The following CCDC192 variants were observed in gnomAD, a reference collection of about 807,000 sequenced individuals.
CCDC192 encodes the protein coiled-coil domain-containing protein 192.
At chr5:127,721,063 C>A (rs1224306721) in intron 2 of CCDC192, among the ~76,000 whole-genome samples, 2 of 152,216 alleles carry the variant, frequency 1.3e-5, no homozygotes, top group African/African-American at 2.4e-5. Flanking sequence ...ACATTTGGCT[C>A]CTCTTTACAT....
At chr5:127,817,304 A>G (rs1249790820) in intron 5 of CCDC192, among the ~76,000 whole-genome samples, 2 of 152,208 alleles carry the variant, frequency 1.3e-5, no homozygotes, top group African/African-American at 4.8e-5. Flanking sequence ...TATATACTGC[A>G]GAGAATGGAA....
At chr5:127,730,690 C>A (rs2126815340) in intron 2 of CCDC192, among the ~76,000 whole-genome samples, 1 of 152,204 alleles carries the variant, frequency 6.6e-6, no homozygotes, top group South Asian at 2.1e-4. Flanking sequence ...CAGCTTCATC[C>A]CCAGGATGAA....
intron 6 of CCDC192, among the ~76,000 whole-genome samples, chr5:127,908,859 A>C (rs1561547732): frequency 1.3e-5 from 2 of 152,210 alleles, no homozygotes; most frequent in African/African-American, 2.4e-5. Flanking sequence ...TGGTTGTGAA[A>C]ATCAGGTTTT....
intron 3 of CCDC192, among the ~76,000 whole-genome samples, chr5:127,773,980 C>A (rs1370411892): frequency 6.6e-6 from 1 of 152,072 alleles, no homozygotes; most frequent in African/African-American, 2.4e-5. Context: ...TAGAATCTCG[C>A]TGTGGTTTTG....
intron 5 of CCDC192, among the ~76,000 whole-genome samples, chr5:127,841,934 G>A (rs1750308358): frequency 1.3e-5 from 2 of 152,226 alleles, no homozygotes; most frequent in Admixed American, 1.3e-4. Flanking sequence ...GTGCAATGAT[G>A]AATGTTGACT....
chr5:127,887,982 C>T (rs147150464), intron 6 of CCDC192, among the ~76,000 whole-genome samples: 9 of 152,046 alleles, frequency 5.9e-5, no homozygotes, highest in East Asian at 3.9e-4. Context: ...GGATTACAGG[C>T]ACGAGCCAGC....
At chr5:127,903,209 G>C (rs1455306324) in intron 6 of CCDC192, among the ~76,000 whole-genome samples, 1 of 151,432 alleles carries the variant, frequency 6.6e-6, no homozygotes, top group Non-Finnish European at 1.5e-5. Context: ...GAACAATCCT[G>C]CCTAAGTTCT....
At chr5:127,837,582 A>C (rs1750080421) in intron 5 of CCDC192, among the ~76,000 whole-genome samples, 2 of 18,110 alleles carry the variant, frequency 1.1e-4, no homozygotes, top group Non-Finnish European at 1.6e-4. Context: ...CCATATCAGA[A>C]TGTAAACACT....
intron 2 of CCDC192, among the ~76,000 whole-genome samples, chr5:127,712,726 A>C: frequency 6.6e-6 from 1 of 152,352 alleles, no homozygotes; most frequent in Non-Finnish European, 1.5e-5. Context: ...ATATTCATGC[A>C]TGAGTCTTTG....
At chr5:127,808,885 G>C (rs1308447504) in intron 5 of CCDC192, among the ~76,000 whole-genome samples, 1 of 152,184 alleles carries the variant, frequency 6.6e-6, no homozygotes, top group Non-Finnish European at 1.5e-5. Context: ...AATGGAGTAA[G>C]TGAGAGAATG....
At chr5:127,731,547 T>G (rs925681143) in intron 2 of CCDC192, among the ~76,000 whole-genome samples, 1 of 152,158 alleles carries the variant, frequency 6.6e-6, no homozygotes, top group Non-Finnish European at 1.5e-5. Flanking sequence ...AAAAAGAGCC[T>G]GTATAGCCAA....
chr5:127,856,194 TC>T (rs1240536980), intron 5 of CCDC192, among the ~76,000 whole-genome samples: 1 of 152,232 alleles, frequency 6.6e-6, no homozygotes, highest in Non-Finnish European at 1.5e-5. Context: ...CTGGATAACT[TC>T]CTACAGCTTC....
chr5:127,886,637 G>C (rs2127150877), intron 6 of CCDC192, among the ~76,000 whole-genome samples: 1 of 152,240 alleles, frequency 6.6e-6, no homozygotes, highest in Middle Eastern at 3.4e-3. Context: ...TACAGTATAT[G>C]ATACATATAA....
intron 3 of CCDC192, among the ~76,000 whole-genome samples, chr5:127,782,222 A>G (rs1756267906): frequency 6.6e-6 from 1 of 152,146 alleles, no homozygotes; most frequent in South Asian, 2.1e-4. Context: ...GTTAACTAGT[A>G]TTTTGTTAAG....
intron 6 of CCDC192, among the ~76,000 whole-genome samples, chr5:127,882,766 G>A (rs183250964): frequency 1.3e-4 from 20 of 152,290 alleles, no homozygotes; most frequent in African/African-American, 4.6e-4. Context: ...CATTTAGAGA[G>A]AGGTCATGTT....
chr5:127,915,767 T>A (rs1407584715), intron 6 of CCDC192, among the ~76,000 whole-genome samples: 1 of 152,190 alleles, frequency 6.6e-6, no homozygotes, highest in Non-Finnish European at 1.5e-5. Context: ...GTGTATTTTA[T>A]GTGTGGCTCA....
chr5:127,711,783 G>C (rs1478074965), intron 2 of CCDC192, among the ~76,000 whole-genome samples: 1 of 152,106 alleles, frequency 6.6e-6, no homozygotes, highest in African/African-American at 2.4e-5. Flanking sequence ...TTTAAATAAA[G>C]ATTTGTTGCT....
chr5:127,734,498 C>G (rs1752849511), intron 2 of CCDC192, among the ~76,000 whole-genome samples: 1 of 148,400 alleles, frequency 6.7e-6, no homozygotes, highest in Admixed American at 6.7e-5. Flanking sequence ...TGAGGAATCG[C>G]CACACTGACT....
intron 6 of CCDC192, among the ~76,000 whole-genome samples, chr5:127,880,254 A>G (rs1273268483): frequency 6.6e-6 from 1 of 151,894 alleles, no homozygotes; most frequent in Non-Finnish European, 1.5e-5. Context: ...CATATACACC[A>G]TGGAATACTA....
Sources: allele counts gnomAD v4.1 joint callset (sites outside exome capture counted in the v4.1 genomes callset), GRCh38; gene constraint gnomAD v4.1.1; transcripts MANE v1.5; gene names NCBI Gene and HGNC (gene_info 2026-07-23, HGNC 2026-07-21).